The following CDCA7L variants were observed in gnomAD, a reference collection of about 807,000 sequenced individuals.
CDCA7L encodes the protein cell division cycle associated 7 like, also known as cell division cycle-associated 7-like protein.
A neutral mutation model predicts 57.4 loss-of-function variants in CDCA7L; 44 were observed. The observed-to-expected ratio is 0.77, with a 90% CI of 0.60 to 0.98. The LOEUF is 0.98. Among genes scored for constraint, CDCA7L ranks in the 50% least tolerant of loss-of-function variants. CDCA7L has a pLI of 0.00. For missense variants in CDCA7L, 644 were observed against 580.6 expected, an observed-to-expected ratio of 1.11 and a Z score of -1.12; for synonymous variants, 236 against 202.8, an observed-to-expected ratio of 1.16 and a Z score of -1.39.
At position 21,902,281 on chromosome 7, in the gene CDCA7L, A is replaced by AGTACTCTAT. The variant is rs1355455077; in HGVS notation, c.*32_*40dup. The AGTACTCTAT allele has an allele frequency of 1.3e-6, 2 of 1,597,278 alleles. No homozygotes were observed. The highest frequency in any genetic ancestry group is 1.7e-6 in the Non-Finnish European group (2 of 1,164,750). On this transcript the variant is annotated 3_prime_UTR_variant, in exon 10 of 10. Coordinates refer to ENST00000406877, the MANE Select transcript of CDCA7L (RefSeq NM_018719.5). ...ACCAATGGTATGCATGTCTTGTTGG[A>AGTACTCTAT]GTACTCTATGGTGAGGTGGCTGGTT... is the stretch of plus-strand genomic sequence containing the variant.
At chr7:21,926,892 A>ATT (rs1785848411) in intron 1 of CDCA7L, among the ~76,000 whole-genome samples, 1 of 152,078 alleles carries the variant, frequency 6.6e-6, no homozygotes, top group African/African-American at 2.4e-5. Flanking sequence ...AATAATAACA[A>ATT]TAATAATAAA....
At position 21,906,748 on chromosome 7, in the gene CDCA7L, G is replaced by GA. The variant is rs533157776; in HGVS notation, c.682-110dup. 258 of 984,634 alleles carry GA rather than the reference G, an allele frequency of 2.6e-4. No homozygotes were observed. In the African/African-American group the frequency reaches 2.8e-3, roughly 11 times the overall value. The allele number at this position is 984,634 out of a possible 1,614,324, so 61.0% of individuals were successfully genotyped here. On this transcript the variant is annotated intron_variant, in intron 4 of 9. Coordinates refer to ENST00000406877, the MANE Select transcript of CDCA7L (RefSeq NM_018719.5). ...TTTGCCACCATAAGAAACCTAACTTGAATAGTTTATATAACCCACAACAGT... is the reference window on the plus strand; with the variant it reads ...TTTGCCACCATAAGAAACCTAACTTGAAATAGTTTATATAACCCACAACAGT...
rs1190880961 is a variant in CDCA7L at position 21,901,564 on chromosome 7, A to G, written c.*758T>C. Reference sequence around the variant, plus strand: ...CTCCTGGGCAACAGAACAAGACTCCATCTCAAAAAAAAAAAAGTACATCAT... The same window carrying G: ...CTCCTGGGCAACAGAACAAGACTCCGTCTCAAAAAAAAAAAAGTACATCAT... On this transcript the variant is annotated 3_prime_UTR_variant, in exon 10 of 10. Transcript: ENST00000406877. The G allele has an allele frequency of 4.8e-6, 1 of 206,734 alleles. No homozygotes were observed. The highest frequency in any genetic ancestry group is 5.9e-5 in the Admixed American group (1 of 16,858). The allele number at this position is 206,734 out of a possible 1,614,324, so 12.8% of individuals were successfully genotyped here. A position where few individuals can be genotyped will look rare whatever the true frequency, so the allele number is the denominator to read the frequency against.
At chr7:21,902,954 G>T (rs771167755) in intron 9 of CDCA7L, 24 bp downstream of exon 9, 2 of 1,607,140 alleles carry the variant, frequency 1.2e-6, no homozygotes, top group East Asian at 4.5e-5. Context: ...AAGCTGTTTT[G>T]TAAGCTGCTA....
At chr7:21,905,662 A>C in intron 6 of CDCA7L, 31 bp from the exon 7 acceptor site, 1 of 1,608,540 alleles carries the variant, frequency 6.2e-7, no homozygotes, top group East Asian at 2.2e-5. Flanking sequence ...GAACATGGAG[A>C]TGTGTTGAGC....
In CDCA7L at chr7:21,908,112, C is replaced by A. The variant is rs762507892; in HGVS notation, c.681+18G>T. The A allele has an allele frequency of 2.0e-6, 3 of 1,501,852 alleles. No homozygotes were observed. The highest frequency in any genetic ancestry group is 2.6e-6 in the Non-Finnish European group (3 of 1,136,660). The allele number at this position is 1,501,852 out of a possible 1,614,324, so 93.0% of individuals were successfully genotyped here. ...GAGCCTGGTGCCAACTCCCAGGACG[C>A]CCTCCGTGAAGCCTCACCATGGCTT... On this transcript the variant is annotated intron_variant, in intron 4 of 9. Transcript: ENST00000406877.
At position 21,906,466 on chromosome 7, in the gene CDCA7L, A is replaced by G. The variant is rs748785071; in HGVS notation, c.754-10T>C. On this transcript the variant is annotated splice_polypyrimidine_tract_variant and intron_variant, in intron 5 of 9. Coordinates refer to ENST00000406877, the MANE Select transcript of CDCA7L (RefSeq NM_018719.5). ...TCACTGTCTTCTTCCTCTGAAATCA[A>G]GAGCACAGACAGAGACAACTGGGGA... The G allele has an allele frequency of 1.4e-5, 22 of 1,609,004 alleles. No homozygotes were observed. Among genetic ancestry groups the G allele is most frequent in the Non-Finnish European group, 1.5e-5 (18 of 1,176,818 alleles).
At chr7:21,934,934 G>C (rs541593166) in intron 1 of CDCA7L, among the ~76,000 whole-genome samples, 23 of 127,556 alleles carry the variant, frequency 1.8e-4, no homozygotes, top group African/African-American at 5.4e-4. Flanking sequence ...TGACAGAACT[G>C]AATGAAGAAA....
chr7:21,940,411 G>T, intron 1 of CDCA7L: 1 of 435,548 alleles, frequency 2.3e-6, no homozygotes, highest in Non-Finnish European at 3.1e-6. Context: ...ATATTTATTA[G>T]GCATCTAATA....
Position 21,908,294 on chromosome 7 carries a change from G to C in CDCA7L, c.517C>G (p.Gln173Glu). The change falls in exon 4 of 10, where the codon CAG becomes GAG. Residue 173 changes from glutamine to glutamate, a missense_variant. Coordinates refer to ENST00000406877, the MANE Select transcript of CDCA7L (RefSeq NM_018719.5). ...SEQLFSSARL[Q>E]NEKKTILERK... Reference sequence around the variant, plus strand: ...TCAAGAATTGTTTTTTTCTCATTCTGTAAGCGTGCGCTAGAAAACAACTGC... The same window carrying C: ...TCAAGAATTGTTTTTTTCTCATTCTCTAAGCGTGCGCTAGAAAACAACTGC... The C allele has an allele frequency of 1.2e-6, 2 of 1,611,668 alleles. No homozygotes were observed. Among genetic ancestry groups the C allele is most frequent in the Non-Finnish European group, 1.7e-6 (2 of 1,179,426 alleles).
intron 1 of CDCA7L, among the ~76,000 whole-genome samples, chr7:21,938,640 G>C (rs1662872736): frequency 6.6e-6 from 1 of 152,096 alleles, no homozygotes; most frequent in Admixed American, 6.6e-5. Context: ...CCAAAAGGTG[G>C]AAACAACCGA....
chr7:21,912,579 G>C (rs1785367377), intron 2 of CDCA7L, among the ~76,000 whole-genome samples: 1 of 152,190 alleles, frequency 6.6e-6, no homozygotes, highest in African/African-American at 2.4e-5. Flanking sequence ...TTCAAAGCCG[G>C]AGTCTCCTCC....
intron 5 of CDCA7L, 54 bp from the exon 6 acceptor site, chr7:21,906,510 G>A (rs531578692): frequency 1.2e-5 from 20 of 1,611,678 alleles, no homozygotes; most frequent in South Asian, 5.5e-5. Flanking sequence ...AATAAAAGCC[G>A]TCTGGTGGCT....
intron 9 of CDCA7L, 75 bp from the exon 10 acceptor site, chr7:21,902,427 CAATCATCTAAGAGTACAA>C: frequency 7.1e-7 from 1 of 1,403,166 alleles, no homozygotes. Context: ...AGAGATTCCA[CAATCATCTAAGAGTACAA>C]AGCCAGAACC....
chr7:21,912,320 A>G (rs145170704), intron 2 of CDCA7L, among the ~76,000 whole-genome samples: 8 of 152,344 alleles, frequency 5.3e-5, no homozygotes, highest in African/African-American at 9.6e-5. Flanking sequence ...GTACACGTAT[A>G]TATTACATAT....
intron 1 of CDCA7L, among the ~76,000 whole-genome samples, chr7:21,923,026 G>C (rs1021250321): frequency 6.6e-6 from 1 of 152,180 alleles, no homozygotes; most frequent in Non-Finnish European, 1.5e-5. Context: ...GAGAAACGTG[G>C]AGTTACTGTT....
At chr7:21,943,327 T>C (rs942632768) in intron 1 of CDCA7L, among the ~76,000 whole-genome samples, 1 of 152,234 alleles carries the variant, frequency 6.6e-6, no homozygotes. Context: ...GTTTGCTTCT[T>C]ACTCATAACA....
intron 3 of CDCA7L, among the ~76,000 whole-genome samples, 194 bp downstream of exon 3, chr7:21,911,423 C>T (rs910532805): frequency 6.6e-6 from 1 of 152,116 alleles, no homozygotes. Context: ...TGGATTTTCT[C>T]TAAGAGAATA....
chr7:21,916,929 G>A, intron 1 of CDCA7L, 35 bp from the exon 2 acceptor site: 1 of 1,612,790 alleles, frequency 6.2e-7, no homozygotes, highest in African/African-American at 1.3e-5. Flanking sequence ...GATTAAACCA[G>A]GGGTTCTTGC....
Sources: gnomAD v4.1 joint callset for allele counts (sites outside exome capture counted in the v4.1 genomes callset) on GRCh38, gnomAD v4.1.1 for gene constraint, MANE v1.5 for transcripts, NCBI Gene and HGNC (gene_info 2026-07-23, HGNC 2026-07-21) for gene names.